Variants in ZFP36L1 observed in about 807,000 individuals in gnomAD.
ZFP36L1 encodes ZFP36 like 1 zinc finger CCCH-type, also known as mRNA decay activator protein ZFP36L1.
In ZFP36L1, 4 loss-of-function variants were observed where a neutral mutation model predicts 16.7. The observed-to-expected ratio is 0.24, with a 90% CI of 0.12 to 0.55. The LOEUF (loss-of-function observed/expected upper bound fraction) is 0.55. Among genes scored for constraint, ZFP36L1 ranks in the 20% least tolerant of loss-of-function variants. The pLI is 0.94. For synonymous variants in ZFP36L1, 220 were observed against 190.8 expected, an observed-to-expected ratio of 1.15 and a Z score of -1.26; for missense variants, 311 against 449.2, an observed-to-expected ratio of 0.69 and a Z score of 2.78.
Position 68,789,739 on chromosome 14 carries a change from C to T in ZFP36L1, c.811G>A (p.Gly271Ser). ...AAGAGGAAGGTGGTCGGGGAGCCAC[C>T]CCCGGGCAGCCCCATGCTAGGGGCA... Reference protein sequence around the residue: ...LFAPSMGLPGGGSPTTFLFRP... With the variant: ...LFAPSMGLPGSGSPTTFLFRP... Residue 271 changes from glycine (G) to serine (S), a missense_variant, in exon 2 of 2, where the codon GGT becomes AGT. By Grantham distance (56) the Gly-to-Ser change is moderately conservative (BLOSUM62 0). This residue lies in a region of ZFP36L1 where 147 missense variants were observed against 192.0 expected (regional missense o/e 0.77). Coordinates refer to ENST00000439696, the MANE Select transcript of ZFP36L1 (RefSeq NM_004926.4). This position sits in a 1 kb window ranked among gnomAD's most constrained non-coding sequence, Gnocchi z 4.5. 6.2e-7 allele frequency: 1 copy of T among 1,614,042 alleles called. No homozygotes were observed. Among genetic ancestry groups the T allele is most frequent in the African/African-American group, 1.3e-5 (1 of 75,016 alleles).
rs111758074 is a variant in ZFP36L1 at position 68,793,021 on chromosome 14, T to C, written c.-83A>G. ...CGGGGAAGGCGCAGCCTCTCCTGTC[T>C]GGAGTCCCACACGCCAGTTCCCGGC... On this transcript the variant is annotated 5_prime_UTR_variant, in exon 1 of 2. Coordinates refer to ENST00000439696, the MANE Select transcript of ZFP36L1 (RefSeq NM_004926.4). 2.5e-6 allele frequency: 4 copies of C among 1,605,592 alleles called. No individual in the cohort carries two copies. Among genetic ancestry groups the C allele is most frequent in the Non-Finnish European group, 2.5e-6 (3 of 1,178,266 alleles).
chr14:68,791,006 TC>T (rs751378711), intron 1 of ZFP36L1: 14 of 700,694 alleles, frequency 2.0e-5, no homozygotes, highest in South Asian at 7.4e-5. Flanking sequence ...CTCAACTTCC[TC>T]CTTCAGAAGT....
chr14:68,793,359 T>C, upstream of ZFP36L1: 1 of 1,008,472 alleles, frequency 9.9e-7, no homozygotes, highest in Non-Finnish European at 1.2e-6. Flanking sequence ...TCAAGTCGGC[T>C]GACTTCCCTA....
At position 68,789,274 on chromosome 14, in the gene ZFP36L1, T is replaced by C; in HGVS notation, c.*259A>G. ...GACAAAATATGGGACTTGTCTGTTA[T>C]GCATGGTAAGTGGGCTATAAAATCC... On this transcript the variant is annotated 3_prime_UTR_variant, in exon 2 of 2. Transcript: ENST00000439696. This position sits in a 1 kb window ranked among gnomAD's most constrained non-coding sequence, Gnocchi z 4.5. The C allele has an allele frequency of 2.0e-6, 1 of 509,782 alleles. No homozygotes were observed. The highest frequency in any genetic ancestry group is 3.6e-5 in the Admixed American group (1 of 28,088). The allele number at this position is 509,782 out of a possible 1,614,324, so 31.6% of individuals were successfully genotyped here. A position where few individuals can be genotyped will look rare whatever the true frequency, so the allele number is the denominator to read the frequency against.
chr14:68,792,412 A>T (rs576471528), intron 1 of ZFP36L1, among the ~76,000 whole-genome samples: 1 of 152,114 alleles, frequency 6.6e-6, no homozygotes, highest in Admixed American at 6.5e-5. Context: ...AGCTCCCCCC[A>T]AAGAGTGGAG....
chr14:68,792,556 A>G (rs1895118563), intron 1 of ZFP36L1, among the ~76,000 whole-genome samples: 2 of 152,222 alleles, frequency 1.3e-5, no homozygotes, highest in Admixed American at 6.5e-5. Flanking sequence ...ATCCAGCAGC[A>G]CGTTACGTAA....
upstream of ZFP36L1, chr14:68,796,109 C>G (rs1489606392): frequency 7.3e-7 from 1 of 1,363,184 alleles, no homozygotes; most frequent in Admixed American, 1.9e-5. Context: ...GGCGGTGGGC[C>G]GGCTCCTCTG....
upstream of ZFP36L1, among the ~76,000 whole-genome samples, chr14:68,795,219 G>C (rs1050837044): frequency 1.3e-5 from 2 of 152,190 alleles, no homozygotes; most frequent in Admixed American, 6.5e-5. Context: ...ACAGAGCAGA[G>C]TGCGCGTTGA....
upstream of ZFP36L1, chr14:68,796,021 A>C (rs370125148): frequency 2.9e-3 from 3,814 of 1,325,724 alleles, 8 homozygotes; most frequent in Non-Finnish European, 3.4e-3. Flanking sequence ...TTCGCGGTGC[A>C]TTCCGCCCTC....
At chr14:68,792,216 C>T (rs914072021) in intron 1 of ZFP36L1, among the ~76,000 whole-genome samples, 4 of 151,298 alleles carry the variant, frequency 2.6e-5, no homozygotes, top group African/African-American at 9.8e-5. Flanking sequence ...ATCGATGAGC[C>T]GCAATGCCTC....
Position 68,790,269 on chromosome 14 carries a change from C to T in ZFP36L1, c.281G>A (p.Gly94Glu). ...CTGGGTGGGCAGCAGCCGCTCGCCC[C>T]CTTCCGAGAAGGAGCGGTCTCGGAA... ...SRFRDRSFSE[G>E]GERLLPTQKQ... is the part of the protein sequence containing the mutation. The change falls in exon 2 of 2, where the codon GGG becomes GAG. Residue 94 changes from glycine to glutamate, a missense_variant. This residue lies in a region of ZFP36L1 where 137 missense variants were observed against 142.6 expected (regional missense o/e 0.96). Coordinates refer to ENST00000439696, the MANE Select transcript of ZFP36L1 (RefSeq NM_004926.4). The T allele has an allele frequency of 6.2e-7, 1 of 1,610,742 alleles. No homozygotes were observed.
chr14:68,792,408 C>T (rs1895108352), intron 1 of ZFP36L1, among the ~76,000 whole-genome samples: 1 of 152,168 alleles, frequency 6.6e-6, no homozygotes. Flanking sequence ...CCCCAGCTCC[C>T]CCCAAAGAGT....
At chr14:68,792,446 T>G (rs1484596858) in intron 1 of ZFP36L1, among the ~76,000 whole-genome samples, 1 of 152,120 alleles carries the variant, frequency 6.6e-6, no homozygotes, top group Non-Finnish European at 1.5e-5. Context: ...CGAGACTCAC[T>G]TCCCCGAGGG....
chr14:68,792,558 G>C (rs554339912), intron 1 of ZFP36L1, among the ~76,000 whole-genome samples: 12 of 152,216 alleles, frequency 7.9e-5, no homozygotes. Flanking sequence ...CCAGCAGCAC[G>C]TTACGTAAAA....
rs1283864235 is a variant in ZFP36L1 at position 68,793,044 on chromosome 14, G to A, written c.-106C>T. 2 of 1,597,142 alleles carry A rather than the reference G, an allele frequency of 1.3e-6. No homozygotes were observed. ...TCTGGAGTCCCACACGCCAGTTCCC[G>A]GCGCCCCTCGCCTTTCTGACTCCGG... is the stretch of plus-strand genomic sequence containing the variant. On this transcript the variant is annotated 5_prime_UTR_variant, in exon 1 of 2. Transcript: ENST00000439696.
At position 68,792,926 on chromosome 14, in the gene ZFP36L1, G is replaced by C. The variant is rs774639422; in HGVS notation, c.13C>G (p.Leu5Val). 1 of 1,614,060 alleles carries C rather than the reference G, an allele frequency of 6.2e-7. No individual in the cohort carries two copies. The highest frequency in any genetic ancestry group is 8.5e-7 in the Non-Finnish European group (1 of 1,179,988). Residue 5 changes from leucine to valine, a missense_variant, in exon 1 of 2, where the codon CTC becomes GTC. By Grantham distance (32) the Leu-to-Val change is conservative. Transcript: ENST00000439696. MTTTLVSATIFDLSE... is the reference protein window; with the variant it reads MTTTVVSATIFDLSE... ...AAGTCGAAGATGGTGGCAGACACGA[G>C]GGTGGTGGTCATCCTGTGCGTTCGC...
chr14:68,792,689 C>G (rs11847049), intron 1 of ZFP36L1, among the ~76,000 whole-genome samples, 193 bp downstream of exon 1: 36,839 of 152,044 alleles, frequency 0.24, 5,047 homozygotes, highest in African/African-American at 0.35. Flanking sequence ...TCCCCGCCAG[C>G]AACTGTTGAA....
chr14:68,792,405 T>TC (rs1392389468), intron 1 of ZFP36L1, among the ~76,000 whole-genome samples: 5 of 151,608 alleles, frequency 3.3e-5, no homozygotes, highest in South Asian at 2.1e-4. Flanking sequence ...TATCCCCAGC[T>TC]CCCCCCAAAG....
At chr14:68,792,490 C>A (rs1415935394) in intron 1 of ZFP36L1, among the ~76,000 whole-genome samples, 1 of 152,180 alleles carries the variant, frequency 6.6e-6, no homozygotes, top group Non-Finnish European at 1.5e-5. Flanking sequence ...GTGGGTAATG[C>A]CGCTGGACAG....
Sources: allele counts gnomAD v4.1 joint callset (sites outside exome capture counted in the v4.1 genomes callset), GRCh38; gene constraint gnomAD v4.1.1; regional missense constraint gnomAD v4.1.1; non-coding constraint Gnocchi (gnomAD v3.1); transcripts MANE v1.5; gene names NCBI Gene and HGNC (gene_info 2026-07-23, HGNC 2026-07-21).